Variants in IGF2BP3 observed in about 807,000 individuals in gnomAD.
IGF2BP3 encodes insulin like growth factor 2 mRNA binding protein 3, also known as insulin-like growth factor 2 mRNA-binding protein 3.
IGF2BP3 carries 9 observed loss-of-function variants against 73.8 expected under a neutral mutation model. That is an observed-to-expected ratio of 0.12 (90% CI 0.07 to 0.21). IGF2BP3 has a LOEUF of 0.21. IGF2BP3 is among the 10% of genes least tolerant of loss of function. The pLI, the probability that IGF2BP3 is intolerant of heterozygous loss-of-function variation, is 1.00. For synonymous variants in IGF2BP3, 258 were observed against 256.7 expected, an observed-to-expected ratio of 1.01 and a Z score of -0.05; for missense variants, 542 against 714.0, an observed-to-expected ratio of 0.76 and a Z score of 2.75.
At chr7:23,399,077 A>C (rs13236883) in intron 3 of IGF2BP3, among the ~76,000 whole-genome samples, 1 of 151,944 alleles carries the variant, frequency 6.6e-6, no homozygotes, top group Non-Finnish European at 1.5e-5. Flanking sequence ...ATCTTGAATT[A>C]ATTTTTGTAT....
At chr7:23,420,465 G>C (rs1787313606) in intron 2 of IGF2BP3, among the ~76,000 whole-genome samples, 1 of 151,760 alleles carries the variant, frequency 6.6e-6, no homozygotes, top group Admixed American at 6.6e-5. Flanking sequence ...GCAACAGAGT[G>C]ACAACCTGTC....
chr7:23,315,767 G>T (rs542971759), intron 12 of IGF2BP3, among the ~76,000 whole-genome samples: 5 of 152,306 alleles, frequency 3.3e-5, no homozygotes, highest in Admixed American at 2.0e-4. Flanking sequence ...TCTTGAATTT[G>T]TAAGGAAAAA....
At chr7:23,400,457 T>G (rs190569289) in intron 3 of IGF2BP3, among the ~76,000 whole-genome samples, 1 of 152,268 alleles carries the variant, frequency 6.6e-6, no homozygotes, top group East Asian at 1.9e-4. Context: ...CATATCTCTG[T>G]GTTGGTGTGG....
At chr7:23,340,456 C>T (rs528722780) in intron 10 of IGF2BP3, among the ~76,000 whole-genome samples, 14 of 152,242 alleles carry the variant, frequency 9.2e-5, no homozygotes, top group African/African-American at 3.4e-4. Flanking sequence ...CAATCTGAGC[C>T]ATCTGTATTT....
intron 5 of IGF2BP3, among the ~76,000 whole-genome samples, chr7:23,352,753 C>A (rs1483532530): frequency 6.6e-6 from 1 of 152,120 alleles, no homozygotes; most frequent in Non-Finnish European, 1.5e-5. Flanking sequence ...GTAGTCACTG[C>A]CCCCCTACCC....
At chr7:23,346,201 A>C in intron 7 of IGF2BP3, 139 bp from the exon 8 acceptor site, 3 of 856,216 alleles carry the variant, frequency 3.5e-6, no homozygotes, top group Non-Finnish European at 5.2e-6. Context: ...AAACTTGCTG[A>C]CAATTGGCCA....
At chr7:23,430,153 G>T (rs1012807408) in intron 2 of IGF2BP3, among the ~76,000 whole-genome samples, 1 of 148,470 alleles carries the variant, frequency 6.7e-6, no homozygotes, top group Non-Finnish European at 1.5e-5. Flanking sequence ...GCACGATCTC[G>T]GCTCACTGCA....
In IGF2BP3 at chr7:23,400,309, T is replaced by C. The variant is rs557133148; in HGVS notation, c.285+18467A>G. ...AAGTATTAGGTTGGTACAAAAGTAATTGGAGTTTTCACCATTAGAAGAAGT... is the reference window on the plus strand; with the variant it reads ...AAGTATTAGGTTGGTACAAAAGTAACTGGAGTTTTCACCATTAGAAGAAGT... On this transcript the variant is annotated intron_variant, in intron 3 of 14. Coordinates refer to ENST00000258729, the MANE Select transcript of IGF2BP3 (RefSeq NM_006547.3). Among the ~76,000 whole-genome samples the C allele has an allele frequency of 5.3e-5, 8 of 152,352 alleles. No individual in the cohort carries two copies. In the South Asian group the frequency reaches 6.2e-4, roughly 12 times the overall value.
chr7:23,345,852 G>A lies in IGF2BP3; in HGVS notation c.941+88C>T, dbSNP rs553785459. The A allele has an allele frequency of 3.5e-5, 50 of 1,433,998 alleles. No individual in the cohort carries two copies. In the African/African-American group the frequency reaches 6.6e-4, roughly 19 times the overall value. 88.8% of individuals were successfully genotyped at this position (1,433,998 alleles called of 1,614,324 possible). ...ACGGCAGCACAGGCTAGCTGAAGCA[G>A]CTGTAAAGTGGGAAGCTAAGCCCAA... On this transcript the variant is annotated intron_variant, in intron 8 of 14. Coordinates refer to ENST00000258729, the MANE Select transcript of IGF2BP3 (RefSeq NM_006547.3).
At chr7:23,448,913 T>C (rs1294333711) in intron 2 of IGF2BP3, among the ~76,000 whole-genome samples, 4 of 152,034 alleles carry the variant, frequency 2.6e-5, no homozygotes. Context: ...ATTACAGGCA[T>C]GAGCCACTGC....
At chr7:23,373,408 C>T (rs745403462) in intron 3 of IGF2BP3, among the ~76,000 whole-genome samples, 6 of 152,134 alleles carry the variant, frequency 3.9e-5, no homozygotes, top group Non-Finnish European at 7.3e-5. Flanking sequence ...CACGAAAAGA[C>T]GCTCTGCACC....
chr7:23,383,073 A>T (rs1415662090), intron 3 of IGF2BP3, among the ~76,000 whole-genome samples: 1 of 152,036 alleles, frequency 6.6e-6, no homozygotes, highest in Non-Finnish European at 1.5e-5. Context: ...TCTCAAAACA[A>T]ACAAACAAAC....
chr7:23,361,629 G>T, intron 4 of IGF2BP3, 32 bp from the exon 5 acceptor site: 1 of 1,612,956 alleles, frequency 6.2e-7, no homozygotes, highest in South Asian at 1.1e-5. Context: ...GAGAATAAAA[G>T]TTAGTTTTCT....
chr7:23,409,702 A>T (rs1226257059), intron 3 of IGF2BP3, among the ~76,000 whole-genome samples: 1 of 152,238 alleles, frequency 6.6e-6, no homozygotes, highest in African/African-American at 2.4e-5. Context: ...ATAAAACCAC[A>T]GCCTGTGAAG....
chr7:23,450,031 A>G (rs1282586329), intron 2 of IGF2BP3, among the ~76,000 whole-genome samples: 2 of 152,196 alleles, frequency 1.3e-5, no homozygotes, highest in African/African-American at 4.8e-5. Flanking sequence ...GCACTGGTAG[A>G]GCAAAGGCAA....
In IGF2BP3 at chr7:23,468,504, G is replaced by T. The variant is rs1404862846; in HGVS notation, c.214C>A (p.His72Asn). The part of the protein sequence containing the change: ...ELHGKPIEVE[H>N]SVPKRQRIRK... ...CACCTTTGCCTTTTTGGGACCGAGTGCTCAACTTCTATGGGTTTCCCGTGC... is the reference window on the plus strand; with the variant it reads ...CACCTTTGCCTTTTTGGGACCGAGTTCTCAACTTCTATGGGTTTCCCGTGC... The change falls in exon 2 of 15, where the codon CAC becomes AAC. Residue 72 changes from histidine to asparagine, a missense_variant. This residue lies in a region of IGF2BP3 where 239 missense variants were observed against 241.9 expected (regional missense o/e 0.99). Transcript: ENST00000258729. The T allele has an allele frequency of 3.7e-6, 6 of 1,614,090 alleles. No individual in the cohort carries two copies. Among genetic ancestry groups the T allele is most frequent in the Non-Finnish European group, 5.1e-6 (6 of 1,180,032 alleles).
intron 2 of IGF2BP3, among the ~76,000 whole-genome samples, chr7:23,461,738 A>G (rs532526876): frequency 1.3e-5 from 2 of 152,314 alleles, no homozygotes; most frequent in African/African-American, 4.8e-5. Context: ...TGTTGCAAGC[A>G]TTTTGAAACC....
At chr7:23,333,230 T>TC (rs1319161512) in intron 10 of IGF2BP3, among the ~76,000 whole-genome samples, 2 of 152,202 alleles carry the variant, frequency 1.3e-5, no homozygotes, top group African/African-American at 4.8e-5. Flanking sequence ...GCTAATTTTT[T>TC]AAAAAGTTAG....
intron 12 of IGF2BP3, among the ~76,000 whole-genome samples, chr7:23,315,904 C>T (rs1210894023): frequency 2.0e-5 from 3 of 152,166 alleles, no homozygotes; most frequent in African/African-American, 4.8e-5. Context: ...AACTATAAAA[C>T]ATGAGTTTTA....
Sources: gnomAD v4.1 joint callset for allele counts (sites outside exome capture counted in the v4.1 genomes callset) on GRCh38, gnomAD v4.1.1 for gene constraint, gnomAD v4.1.1 regional missense constraint, MANE v1.5 for transcripts, NCBI Gene and HGNC (gene_info 2026-07-23, HGNC 2026-07-21) for gene names.